TMEM114: variants seen among roughly 807,000 people sequenced by gnomAD.
The protein encoded by TMEM114 is transmembrane protein 114, also known as claudin-26.
TMEM114 carries 6 observed loss-of-function variants against 6.2 expected under a neutral mutation model. That is an observed-to-expected ratio of 0.97 (90% CI 0.53 to 1.91). The LOEUF is 1.91. Among genes scored for constraint, TMEM114 ranks in the 40% most tolerant of loss-of-function variants. The probability of loss-of-function intolerance (pLI) is 0.01; values close to 1 mark genes in which losing one functional copy is unlikely to be tolerated. For missense variants in TMEM114, 218 were observed against 158.3 expected (o/e 1.38, Z -2.02); for synonymous variants, 104 against 73.0 (o/e 1.42, Z -2.16).
intron 2 of TMEM114, among the ~76,000 whole-genome samples, chr16:8,585,912 C>G (rs1396834180): frequency 6.6e-6 from 1 of 152,128 alleles, no homozygotes; most frequent in African/African-American, 2.4e-5. Flanking sequence ...GGCCACATGC[C>G]TACTTGGTGG....
intron 2 of TMEM114, among the ~76,000 whole-genome samples, chr16:8,579,010 G>T (rs1453060865): frequency 1.3e-5 from 2 of 152,062 alleles, no homozygotes; most frequent in African/African-American, 4.8e-5. Context: ...ATATTGGCAG[G>T]CCATTGTTTC....
intron 2 of TMEM114, among the ~76,000 whole-genome samples, chr16:8,586,346 T>C (rs1427757056): frequency 6.6e-6 from 1 of 152,036 alleles, no homozygotes; most frequent in African/African-American, 2.4e-5. Context: ...TCTAACCATA[T>C]CCCTTGATGG....
chr16:8,570,367 G>A (rs1301608702), intron 3 of TMEM114, among the ~76,000 whole-genome samples: 1 of 152,058 alleles, frequency 6.6e-6, no homozygotes, highest in Admixed American at 6.5e-5. Context: ...CCAGGCTGGA[G>A]TGCAGCGGTG....
intron 2 of TMEM114, among the ~76,000 whole-genome samples, chr16:8,562,089 T>A (rs1210294990): frequency 7.2e-6 from 1 of 139,372 alleles, no homozygotes; most frequent in African/African-American, 2.6e-5. Context: ...AATGAATGAG[T>A]GAGTGAGTGA....
At chr16:8,545,714 T>C (rs1900644253) in intron 2 of TMEM114, among the ~76,000 whole-genome samples, 1 of 152,210 alleles carries the variant, frequency 6.6e-6, no homozygotes, top group Non-Finnish European at 1.5e-5. Flanking sequence ...TGAGAATCAG[T>C]GAGCTATCTT....
chr16:8,528,369 C>T, the TMEM114 span, among the ~76,000 whole-genome samples: 1 of 152,290 alleles, frequency 6.6e-6, no homozygotes, highest in East Asian at 1.9e-4. Flanking sequence ...ATGTACCTGG[C>T]TCATGCACCA....
chr16:8,528,679 A>G, the TMEM114 span, among the ~76,000 whole-genome samples: 1 of 152,224 alleles, frequency 6.6e-6, no homozygotes, highest in East Asian at 1.9e-4. Context: ...GTCAGCTTTC[A>G]ACATGATTTA....
intron 2 of TMEM114, among the ~76,000 whole-genome samples, chr16:8,546,218 GT>G (rs1900660843): frequency 6.6e-6 from 1 of 152,190 alleles, no homozygotes; most frequent in Non-Finnish European, 1.5e-5. Context: ...GCACCACGAT[GT>G]TTCAGACTGA....
downstream of TMEM114, among the ~76,000 whole-genome samples, chr16:8,567,967 A>C (rs1436708798): frequency 6.6e-6 from 1 of 152,100 alleles, no homozygotes; most frequent in East Asian, 1.9e-4. Context: ...GCCTTTCCGG[A>C]TTAGACAGGG....
intron 2 of TMEM114, among the ~76,000 whole-genome samples, chr16:8,562,493 T>G (rs1901279831): frequency 6.7e-6 from 1 of 149,676 alleles, no homozygotes; most frequent in African/African-American, 2.5e-5. Flanking sequence ...AATGAGTATG[T>G]GAATGAGTAA....
At chr16:8,556,414 G>A (rs1048447189) in intron 2 of TMEM114, among the ~76,000 whole-genome samples, 2 of 152,204 alleles carry the variant, frequency 1.3e-5, no homozygotes, top group Non-Finnish European at 2.9e-5. Flanking sequence ...GGATGAAAAT[G>A]TTCTAGAACT....
chr16:8,578,158 A>G (rs748084411), intron 2 of TMEM114, among the ~76,000 whole-genome samples: 1 of 152,146 alleles, frequency 6.6e-6, no homozygotes, highest in Non-Finnish European at 1.5e-5. Flanking sequence ...CCTTGTTCTT[A>G]GATCAGGTGG....
chr16:8,537,505 A>G (rs1472833264), downstream of TMEM114: 1 of 148,006 alleles, frequency 6.8e-6, no homozygotes, highest in South Asian at 2.1e-4. Flanking sequence ...CATCTCAAAA[A>G]CAAACAAACA....
the TMEM114 span, among the ~76,000 whole-genome samples, chr16:8,526,977 A>G: frequency 2.6e-5 from 4 of 152,134 alleles, no homozygotes; most frequent in African/African-American, 7.2e-5. Flanking sequence ...GGAGGCCAAG[A>G]CAGGTGGATC....
chr16:8,542,142 TGGG>T (rs75052886), intron 2 of TMEM114, among the ~76,000 whole-genome samples: 2 of 150,128 alleles, frequency 1.3e-5, no homozygotes, highest in Non-Finnish European at 3.0e-5. Flanking sequence ...GGATGATTCG[TGGG>T]GGGGGGTCCC....
intron 2 of TMEM114, among the ~76,000 whole-genome samples, chr16:8,542,959 C>T (rs1308553285): frequency 6.6e-6 from 1 of 152,176 alleles, no homozygotes; most frequent in Non-Finnish European, 1.5e-5. Flanking sequence ...GACATAATTA[C>T]CCTACAAGCA....
At chr16:8,569,323 G>A (rs756747241), downstream of TMEM114, among the ~76,000 whole-genome samples, 6 of 152,098 alleles carry the variant, frequency 3.9e-5, no homozygotes, top group Non-Finnish European at 7.4e-5. Context: ...TTATTTTAGA[G>A]CAAAAGGAAC....
chr16:8,546,460 C>G (rs564260074), intron 2 of TMEM114, among the ~76,000 whole-genome samples: 3 of 152,156 alleles, frequency 2.0e-5, no homozygotes, highest in Non-Finnish European at 4.4e-5. Context: ...AAATCTGCAG[C>G]GACCAGCCCG....
intron 2 of TMEM114, among the ~76,000 whole-genome samples, chr16:8,546,826 C>A (rs1051201325): frequency 4.6e-5 from 7 of 152,198 alleles, no homozygotes; most frequent in Non-Finnish European, 8.8e-5. Context: ...CTCTATCTTC[C>A]TTTGAGTGTC....
Sources: gnomAD v4.1 joint callset for allele counts (sites outside exome capture counted in the v4.1 genomes callset) on GRCh38, gnomAD v4.1.1 for gene constraint, MANE v1.5 for transcripts, NCBI Gene and HGNC (gene_info 2026-07-23, HGNC 2026-07-21) for gene names.